PTPRT: variants seen among roughly 807,000 people sequenced by gnomAD.
PTPRT encodes the protein receptor-type tyrosine-protein phosphatase T.
PTPRT carries 56 observed loss-of-function variants against 176.8 expected under a neutral mutation model. That is an observed-to-expected ratio of 0.32 (90% CI 0.26 to 0.40). The LOEUF (loss-of-function observed/expected upper bound fraction) is 0.40. Among genes scored for constraint, PTPRT ranks in the 10% least tolerant of loss-of-function variants. The pLI, the probability that PTPRT is intolerant of heterozygous loss-of-function variation, is 1.00. For synonymous variants in PTPRT, 783 were observed against 739.0 expected, an observed-to-expected ratio of 1.06 and a Z score of -0.96; for missense variants, 1,540 against 1,908.2, an observed-to-expected ratio of 0.81 and a Z score of 3.60.
chr20:42,641,135 A>G (rs2074738129), intron 7 of PTPRT, among the ~76,000 whole-genome samples: 1 of 152,166 alleles, frequency 6.6e-6, no homozygotes. Flanking sequence ...TGCCCTGCAT[A>G]TAGCATTTTC....
intron 9 of PTPRT, among the ~76,000 whole-genome samples, chr20:42,414,469 C>T (rs1156750681): frequency 6.6e-6 from 1 of 152,128 alleles, no homozygotes; most frequent in African/African-American, 2.4e-5. Flanking sequence ...GAGGTAAAAA[C>T]AGTTATTATT....
intron 19 of PTPRT, among the ~76,000 whole-genome samples, chr20:42,123,452 A>G (rs1196003938): frequency 6.6e-6 from 1 of 152,188 alleles, no homozygotes; most frequent in Non-Finnish European, 1.5e-5. Context: ...ACTGGGGTAA[A>G]GGCTACTAAT....
intron 1 of PTPRT, 118 bp from the exon 2 acceptor site, chr20:42,886,050 C>A: frequency 5.9e-6 from 2 of 338,826 alleles, no homozygotes; most frequent in Non-Finnish European, 9.2e-6. Context: ...GAAGATTTTC[C>A]ATATATATAT....
chr20:42,713,489 T>C (rs2076176924), intron 6 of PTPRT, among the ~76,000 whole-genome samples: 1 of 152,178 alleles, frequency 6.6e-6, no homozygotes, highest in Admixed American at 6.6e-5. Flanking sequence ...CCAGTATACA[T>C]TGTATTATCT....
chr20:42,791,117 C>T (rs2077367934), intron 3 of PTPRT, 78 bp downstream of exon 3: 2 of 1,488,070 alleles, frequency 1.3e-6, no homozygotes, highest in Non-Finnish European at 1.8e-6. Flanking sequence ...CTTTCTAGAC[C>T]TAGCACCTGT....
At chr20:42,557,658 T>C (rs1184730782) in intron 7 of PTPRT, among the ~76,000 whole-genome samples, 1 of 152,150 alleles carries the variant, frequency 6.6e-6, no homozygotes, top group Non-Finnish European at 1.5e-5. Context: ...AAAGTCATTG[T>C]GGAGTAGCAA....
chr20:42,812,747 C>T (rs986591803), intron 2 of PTPRT, among the ~76,000 whole-genome samples: 1 of 152,058 alleles, frequency 6.6e-6, no homozygotes, highest in Non-Finnish European at 1.5e-5. Context: ...ATTTCCTCAT[C>T]TATAAATTGG....
chr20:42,779,338 T>C (rs767134326), intron 4 of PTPRT, among the ~76,000 whole-genome samples: 18 of 152,158 alleles, frequency 1.2e-4, no homozygotes, highest in Non-Finnish European at 2.1e-4. Context: ...CATGCCCATA[T>C]GGGAGGAGTG....
At chr20:42,916,038 T>A (rs1978723404) in intron 1 of PTPRT, among the ~76,000 whole-genome samples, 1 of 152,096 alleles carries the variant, frequency 6.6e-6, no homozygotes, top group Admixed American at 6.5e-5. Context: ...TATGTATACA[T>A]GTGCCATGTT....
chr20:42,900,297 G>A (rs1206853843), intron 1 of PTPRT, among the ~76,000 whole-genome samples: 1 of 152,212 alleles, frequency 6.6e-6, no homozygotes, highest in Non-Finnish European at 1.5e-5. Context: ...TCAGTCAGGT[G>A]TGTGTGAGGC....
At chr20:42,863,834 G>A (rs927259857) in intron 2 of PTPRT, among the ~76,000 whole-genome samples, 3 of 152,178 alleles carry the variant, frequency 2.0e-5, no homozygotes, top group African/African-American at 7.2e-5. Flanking sequence ...AGAGGATATT[G>A]CTACCATATG....
chr20:42,276,131 T>C (rs2057025196), intron 13 of PTPRT, among the ~76,000 whole-genome samples: 1 of 152,046 alleles, frequency 6.6e-6, no homozygotes, highest in Admixed American at 6.6e-5. Flanking sequence ...AAATTGCTGG[T>C]CTGGTGATGA....
chr20:43,100,799 G>A (rs977806863), intron 1 of PTPRT, among the ~76,000 whole-genome samples: 3 of 142,174 alleles, frequency 2.1e-5, no homozygotes, highest in Non-Finnish European at 4.6e-5. Flanking sequence ...AAGAGGGAAG[G>A]TGCCCAGGTG....
chr20:42,266,180 G>A (rs1218800344), intron 13 of PTPRT, among the ~76,000 whole-genome samples: 2 of 152,184 alleles, frequency 1.3e-5, no homozygotes, highest in African/African-American at 2.4e-5. Context: ...GCTCAGAAAG[G>A]CGAAAGGCTG....
At chr20:42,090,812 C>T (rs1014954311) in intron 27 of PTPRT, among the ~76,000 whole-genome samples, 1 of 152,222 alleles carries the variant, frequency 6.6e-6, no homozygotes, top group Admixed American at 6.5e-5. Context: ...GCCACACTTA[C>T]CCTGAATGCA....
At chr20:43,136,920 G>T (rs1298411006) in intron 1 of PTPRT, among the ~76,000 whole-genome samples, 2 of 152,072 alleles carry the variant, frequency 1.3e-5, no homozygotes, top group Admixed American at 6.6e-5. Flanking sequence ...CCTTCCCCAG[G>T]GTCCCCAGCA....
chr20:43,083,797 T>A (rs532557470), intron 1 of PTPRT, among the ~76,000 whole-genome samples: 191 of 152,290 alleles, frequency 1.3e-3, no homozygotes, highest in Non-Finnish European at 2.5e-3. Flanking sequence ...TTCACAGCCA[T>A]CCCTGTTCCC....
chr20:42,860,841 T>G (rs1354024986), intron 2 of PTPRT, among the ~76,000 whole-genome samples: 1 of 152,234 alleles, frequency 6.6e-6, no homozygotes, highest in East Asian at 1.9e-4. Flanking sequence ...ATATTTCCCA[T>G]TCTGTTACTA....
intron 1 of PTPRT, among the ~76,000 whole-genome samples, chr20:43,108,347 A>C (rs1341283672): frequency 3.9e-5 from 6 of 152,172 alleles, no homozygotes; most frequent in Non-Finnish European, 7.3e-5. Context: ...TGCCAAGCTG[A>C]TGCCCAGTAT....
Sources: allele counts gnomAD v4.1 joint callset (sites outside exome capture counted in the v4.1 genomes callset), GRCh38; gene constraint gnomAD v4.1.1; transcripts MANE v1.5; gene names NCBI Gene and HGNC (gene_info 2026-07-23, HGNC 2026-07-21).